The following MSRA variants were observed in gnomAD, a reference collection of about 807,000 sequenced individuals.
MSRA encodes methionine sulfoxide reductase A, also known as mitochondrial peptide methionine sulfoxide reductase.
MSRA carries 54 observed loss-of-function variants against 31.3 expected under a neutral mutation model. The observed-to-expected ratio is 1.73, with a 90% CI of 1.39 to 2.17. The LOEUF (loss-of-function observed/expected upper bound fraction) is 2.17, where lower values mean the gene tolerates loss of function less well. MSRA is among the 30% of genes most tolerant of loss of function. The pLI is 0.00. For missense variants in MSRA, 507 were observed against 300.9 expected (o/e 1.69, Z -5.07); for synonymous variants, 169 against 116.5 (o/e 1.45, Z -2.90).
chr8:10,393,675 C>T (rs1463053313), intron 5 of MSRA, among the ~76,000 whole-genome samples: 2 of 152,212 alleles, frequency 1.3e-5, no homozygotes, highest in African/African-American at 4.8e-5. Flanking sequence ...GACTGCCTAG[C>T]ATCCGTATGT....
intron 1 of MSRA, among the ~76,000 whole-genome samples, chr8:10,104,875 G>C (rs1353400386): frequency 2.0e-5 from 3 of 152,104 alleles, no homozygotes; most frequent in Non-Finnish European, 4.4e-5. Flanking sequence ...TTTATTTTTG[G>C]TTTCCAGTAC....
chr8:10,358,565 C>CTTTTTTTTTTT (rs59106668), intron 5 of MSRA, among the ~76,000 whole-genome samples: 3 of 64,004 alleles, frequency 4.7e-5, no homozygotes, highest in Admixed American at 2.3e-4. Context: ...GCATTAGATT[C>CTTTTTTTTTTT]TTTTTTTTTT....
chr8:10,244,613 C>T (rs1415229641), intron 2 of MSRA, among the ~76,000 whole-genome samples: 2 of 152,136 alleles, frequency 1.3e-5, no homozygotes, highest in African/African-American at 4.8e-5. Context: ...AAACTAAACA[C>T]ATATGTGACA....
chr8:10,093,001 T>C (rs994211625), intron 1 of MSRA, among the ~76,000 whole-genome samples: 1 of 152,216 alleles, frequency 6.6e-6, no homozygotes. Context: ...ATAACCATTC[T>C]AGCTCTCTTG....
intron 1 of MSRA, among the ~76,000 whole-genome samples, chr8:10,137,531 T>A (rs1270603719): frequency 6.6e-6 from 1 of 152,258 alleles, no homozygotes; most frequent in African/African-American, 2.4e-5. Flanking sequence ...GAAAAGGGCT[T>A]CTATAACAAA....
At chr8:10,419,919 C>A (rs1343332059) in intron 5 of MSRA, among the ~76,000 whole-genome samples, 3 of 152,160 alleles carry the variant, frequency 2.0e-5, no homozygotes, top group African/African-American at 7.2e-5. Flanking sequence ...CTGTCACGTT[C>A]CTTTTGCAGT....
chr8:10,200,348 C>T (rs1048597679), intron 1 of MSRA, among the ~76,000 whole-genome samples: 4 of 152,202 alleles, frequency 2.6e-5, no homozygotes, highest in African/African-American at 9.6e-5. Flanking sequence ...TGGGGGCAGC[C>T]CCCACTTGCA....
rs564395746 is a variant in MSRA, at chr8:10,096,946, G to T, written c.142+42288G>T. On this transcript the variant is annotated intron_variant, in intron 1 of 5. Coordinates refer to ENST00000317173, the MANE Select transcript of MSRA (RefSeq NM_012331.5). ...TATGCCGAAAGAATACAGGAAAATT[G>T]TATCTATTCACATAAGTACTCATCA... Among the ~76,000 whole-genome samples the T allele has an allele frequency of 5.3e-5, 8 of 152,230 alleles. No homozygotes were observed. In the South Asian group the frequency reaches 1.7e-3, roughly 32 times the overall value.
intron 2 of MSRA, among the ~76,000 whole-genome samples, chr8:10,221,199 G>C (rs569958569): frequency 7.7e-4 from 118 of 152,308 alleles, no homozygotes; most frequent in Non-Finnish European, 1.3e-3. Flanking sequence ...ACATAGGTCT[G>C]CAGTGATGCA....
chr8:10,275,584 G>C (rs1296948808), intron 3 of MSRA, among the ~76,000 whole-genome samples: 2 of 152,134 alleles, frequency 1.3e-5, no homozygotes, highest in Non-Finnish European at 2.9e-5. Flanking sequence ...GAAGTAATTG[G>C]AACAGTCATA....
chr8:10,199,133 C>G (rs1318033232), intron 1 of MSRA, among the ~76,000 whole-genome samples: 1 of 152,136 alleles, frequency 6.6e-6, no homozygotes, highest in Non-Finnish European at 1.5e-5. Context: ...ATCATGGATG[C>G]CTGCTTTGGG....
At chr8:10,147,697 C>G (rs947761116) in intron 1 of MSRA, among the ~76,000 whole-genome samples, 1 of 152,112 alleles carries the variant, frequency 6.6e-6, no homozygotes, top group South Asian at 2.1e-4. Context: ...AAGGCTGTAA[C>G]GAGAAGGGTG....
intron 1 of MSRA, among the ~76,000 whole-genome samples, chr8:10,186,972 T>C (rs950678298): frequency 1.3e-5 from 2 of 152,234 alleles, no homozygotes; most frequent in South Asian, 4.1e-4. Context: ...AAATTCATGC[T>C]TTTTAGTGTT....
chr8:10,268,191 G>A (rs1003215703), intron 3 of MSRA, among the ~76,000 whole-genome samples: 3 of 152,156 alleles, frequency 2.0e-5, no homozygotes. Context: ...TGGAGGAGAT[G>A]GACACGTGTG....
chr8:10,354,003 C>T (rs1019285884), intron 5 of MSRA: 1 of 175,434 alleles, frequency 5.7e-6, no homozygotes, highest in Non-Finnish European at 1.2e-5. Flanking sequence ...TTTAAAAGTG[C>T]ATGTTATTTA....
At chr8:10,356,476 C>A (rs534250932) in intron 5 of MSRA, among the ~76,000 whole-genome samples, 1 of 152,334 alleles carries the variant, frequency 6.6e-6, no homozygotes, top group South Asian at 2.1e-4. Flanking sequence ...ACAGCCACTT[C>A]CATGCATTTC....
chr8:10,283,836 T>TATATATATATATAAACACACACAC, intron 3 of MSRA, among the ~76,000 whole-genome samples: 1 of 53,166 alleles, frequency 1.9e-5, no homozygotes, highest in East Asian at 8.4e-4. Context: ...TATATATATA[T>TATATATATATATAAACACACACAC]ACACACACAC....
intron 1 of MSRA, among the ~76,000 whole-genome samples, chr8:10,176,196 A>G (rs1485761306): frequency 1.3e-5 from 2 of 152,166 alleles, no homozygotes; most frequent in Non-Finnish European, 2.9e-5. Flanking sequence ...ATGTCACATT[A>G]TGGTTTTAAA....
intron 2 of MSRA, among the ~76,000 whole-genome samples, chr8:10,225,208 T>G (rs906004213): frequency 6.6e-6 from 1 of 152,204 alleles, no homozygotes; most frequent in East Asian, 1.9e-4. Flanking sequence ...ATCTCATCCC[T>G]TACTCTAACC....
Sources: gnomAD v4.1 joint callset for allele counts (sites outside exome capture counted in the v4.1 genomes callset) on GRCh38, gnomAD v4.1.1 for gene constraint, MANE v1.5 for transcripts, NCBI Gene and HGNC (gene_info 2026-07-23, HGNC 2026-07-21) for gene names.